CCDC88A: variants seen among roughly 807,000 people sequenced by gnomAD.
CCDC88A encodes the protein coiled-coil and HOOK domain protein 88A, also known as girdin.
A neutral mutation model predicts 234.3 loss-of-function variants in CCDC88A; 54 were observed. The ratio of observed to expected loss-of-function variants is 0.23; its 90% CI spans 0.19 to 0.29. CCDC88A has a LOEUF of 0.29. Ranked by LOEUF, CCDC88A falls within the 10% of genes least tolerant of loss-of-function variation. The pLI, the probability that CCDC88A is intolerant of heterozygous loss-of-function variation, is 1.00. For missense variants in CCDC88A, 1,832 were observed against 2,123.4 expected (o/e 0.86, Z 2.70); for synonymous variants, 753 against 737.8 (o/e 1.02, Z -0.33).
chr2:55,386,422 A>C lies in CCDC88A; in HGVS notation c.273+2356T>G, dbSNP rs576309587. 1.3e-3 allele frequency among the ~76,000 whole-genome samples: 154 copies of C among 118,062 alleles called. 1 individual carries two copies. The highest frequency in any genetic ancestry group is 5.1e-3 in the African/African-American group (149 of 29,028). 77.5% of individuals were successfully genotyped at this position (118,062 alleles called of 152,430 possible). A position where few individuals can be genotyped will look rare whatever the true frequency, so the allele number is the denominator to read the frequency against. ...CAAGACCAGCCTGGGCAACATAGTG[A>C]GACTCTGTCTCTTTTTTATTTTATT... On this transcript the variant is annotated intron_variant, in intron 3 of 32. Transcript: ENST00000436346.
intron 5 of CCDC88A, among the ~76,000 whole-genome samples, chr2:55,366,202 A>AT (rs1323388843): frequency 1.3e-5 from 2 of 152,168 alleles, no homozygotes; most frequent in Non-Finnish European, 2.9e-5. Context: ...ACTGATTACT[A>AT]AGCCAGTAGA....
At chr2:55,311,346 C>G (rs938130281) in intron 23 of CCDC88A, among the ~76,000 whole-genome samples, 1 of 152,154 alleles carries the variant, frequency 6.6e-6, no homozygotes, top group Non-Finnish European at 1.5e-5. Flanking sequence ...TTCCATGATA[C>G]ACCTGTGTAT....
chr2:55,331,489 A>G (rs1038867357), intron 16 of CCDC88A, among the ~76,000 whole-genome samples: 4 of 152,212 alleles, frequency 2.6e-5, no homozygotes, highest in Non-Finnish European at 5.9e-5. Context: ...ATATACATTT[A>G]ATACAGAATA....
At chr2:55,404,304 C>A (rs912034976) in intron 2 of CCDC88A, 36 of 152,212 alleles carry the variant, frequency 2.4e-4, no homozygotes, top group African/African-American at 8.7e-4. Flanking sequence ...TTTTTCCAAT[C>A]ATCAATTTCT....
chr2:55,409,913 G>C (rs887892437), intron 2 of CCDC88A, among the ~76,000 whole-genome samples: 1 of 151,708 alleles, frequency 6.6e-6, no homozygotes, highest in African/African-American at 2.4e-5. Context: ...GCTAATTTTT[G>C]TATTTTTATT....
At chr2:55,360,701 A>G (rs902256917) in intron 7 of CCDC88A, among the ~76,000 whole-genome samples, 11 of 152,234 alleles carry the variant, frequency 7.2e-5, no homozygotes, top group African/African-American at 2.4e-5. Context: ...TGTTCACCCC[A>G]TATTAATCAA....
At chr2:55,308,543 C>T in intron 25 of CCDC88A, 1 of 361,830 alleles carries the variant, frequency 2.8e-6, no homozygotes, top group Non-Finnish European at 5.0e-6. Flanking sequence ...ACAGAAATAG[C>T]AAGTGGCAGA....
At chr2:55,370,641 CAAAAAAAAAAA>C (rs567431857) in intron 5 of CCDC88A, among the ~76,000 whole-genome samples, 6 of 47,510 alleles carry the variant, frequency 1.3e-4, no homozygotes, top group African/African-American at 2.4e-4. Context: ...AACTCTGTCT[CAAAAAAAAAAA>C]AAAAAAAAAA....
intron 7 of CCDC88A, among the ~76,000 whole-genome samples, chr2:55,357,471 A>G (rs1294864609): frequency 6.6e-6 from 1 of 151,664 alleles, no homozygotes; most frequent in Non-Finnish European, 1.5e-5. Flanking sequence ...TTTAAGGGCT[A>G]TAGGTACCTA....
Position 55,296,264 on chromosome 2 carries a change from T to A in CCDC88A, c.5085A>T (p.Ser1695=). 6.2e-7 allele frequency: 1 copy of A among 1,614,046 alleles called. No individual in the cohort carries two copies. The highest frequency in any genetic ancestry group is 8.5e-7 in the Non-Finnish European group (1 of 1,179,930). ...QFLEESNKLT[S]VQIKSSSQEN... ...CATCATAGATAAAACTAACCTGTAC[T>A]GAGGTAAGCTTATTGCTTTCTTCCA... The change falls in exon 30 of 33, where the codon TCA becomes TCT. Residue 1695 remains serine, a synonymous_variant. Transcript: ENST00000436346.
At chr2:55,381,612 G>T (rs1286476989) in intron 3 of CCDC88A, among the ~76,000 whole-genome samples, 2 of 145,246 alleles carry the variant, frequency 1.4e-5, no homozygotes, top group Non-Finnish European at 1.5e-5. Context: ...ACAAATTTTT[G>T]TGAGTTAAAG....
chr2:55,385,852 C>CAAAAAAAA (rs56233901), intron 3 of CCDC88A, among the ~76,000 whole-genome samples: 6 of 62,476 alleles, frequency 9.6e-5, no homozygotes, highest in African/African-American at 2.0e-4. Context: ...AACTCCATGT[C>CAAAAAAAA]AAAAAAAAAA....
In CCDC88A at chr2:55,389,867, C is replaced by T. The variant is rs561398196; in HGVS notation, c.165-981G>A. 4.0e-5 allele frequency among the ~76,000 whole-genome samples: 6 copies of T among 151,296 alleles called. No individual in the cohort carries two copies. In the South Asian group the frequency reaches 8.4e-4, roughly 21 times the overall value. ...ACCAGCCTGGCCAACATGGTGAAAC[C>T]CCATCTGTATTAAAAATACAAAAAT... On this transcript the variant is annotated intron_variant, in intron 2 of 32. Transcript: ENST00000436346.
chr2:55,294,210 A>T (rs1679766792), intron 31 of CCDC88A: 1 of 886,052 alleles, frequency 1.1e-6, no homozygotes, highest in African/African-American at 1.8e-5. Context: ...GACTCTCTAT[A>T]AAAAAAGAAC....
chr2:55,403,482 G>T (rs1199233181), intron 2 of CCDC88A: 1 of 152,174 alleles, frequency 6.6e-6, no homozygotes, highest in Non-Finnish European at 1.5e-5. Context: ...GTAACGAGAA[G>T]AATACAATGA....
At chr2:55,296,964 C>T (rs2104553192) in intron 29 of CCDC88A, 1 of 154,168 alleles carries the variant, frequency 6.5e-6, no homozygotes, top group African/African-American at 2.4e-5. Flanking sequence ...GCAGGCGGAT[C>T]ACGAGGTCAG....
At chr2:55,341,740 G>A (rs1224761708) in intron 12 of CCDC88A, among the ~76,000 whole-genome samples, 1 of 152,142 alleles carries the variant, frequency 6.6e-6, no homozygotes, top group Non-Finnish European at 1.5e-5. Flanking sequence ...ACTGCACCTG[G>A]CCAGAATTTC....
intron 5 of CCDC88A, 142 bp downstream of exon 5, chr2:55,372,307 TAGG>T (rs1672963255): frequency 2.0e-6 from 1 of 491,842 alleles, no homozygotes; most frequent in Non-Finnish European, 3.7e-6. Flanking sequence ...GTAATCTCCT[TAGG>T]AGGTTATACA....
chr2:55,303,127 A>G lies in CCDC88A; in HGVS notation c.4413T>C (p.Phe1471=), dbSNP rs1322301147. The stretch of plus-strand genomic sequence containing the variant: ...CTTTATCCTTCGGTCTGTTCCTCAA[A>G]AAGGGCAGTCTTTTCAGTGCAACCA... ...SSMVALKRLP[F]LRNRPKDKDK... Residue 1471 remains phenylalanine, a synonymous_variant, in exon 26 of 33, where the codon TTT becomes TTC. Coordinates refer to ENST00000436346, the MANE Select transcript of CCDC88A (RefSeq NM_001365480.1). 6.4e-7 allele frequency: 1 copy of G among 1,551,420 alleles called. No homozygotes were observed. The highest frequency in any genetic ancestry group is 1.4e-5 in the African/African-American group (1 of 73,016).
Sources: allele counts gnomAD v4.1 joint callset (sites outside exome capture counted in the v4.1 genomes callset), GRCh38; gene constraint gnomAD v4.1.1; transcripts MANE v1.5; gene names NCBI Gene and HGNC (gene_info 2026-07-23, HGNC 2026-07-21).